The following INTS11 variants were observed in gnomAD, a reference collection of about 807,000 sequenced individuals.
The protein encoded by INTS11 is CPSF3-like protein.
INTS11 carries 77 observed loss-of-function variants against 78.6 expected under a neutral mutation model. That is an observed-to-expected ratio of 0.98 (90% CI 0.81 to 1.18). INTS11 has a LOEUF of 1.18. Among genes scored for constraint, INTS11 ranks in the 50% most tolerant of loss-of-function variants. The pLI, the probability that INTS11 is intolerant of heterozygous loss-of-function variation, is 0.00. For synonymous variants in INTS11, 441 were observed against 326.9 expected, an observed-to-expected ratio of 1.35 and a Z score of -3.77; for missense variants, 875 against 825.9, an observed-to-expected ratio of 1.06 and a Z score of -0.73.
chr1:1,312,213 G>GGGGGGGGCCCCCGCCCCCCCCCCC lies in INTS11; in HGVS notation c.1607+12_1607+13insGGGGGGGGGGGCGGGGGCCCCCCC. ...CCCAAGGGAGTGGGGGGGGGGCGGG[G>GGGGGGGGCCCCCGCCCCCCCCCCC]CCGGGCGCCCACCTCTTGAGGTGGC... On this transcript the variant is annotated intron_variant, in intron 15 of 16. Coordinates refer to ENST00000435064, the MANE Select transcript of INTS11 (RefSeq NM_017871.6). The GGGGGGGGCCCCCGCCCCCCCCCCC allele has an allele frequency of 1.1e-6, 1 of 934,630 alleles. No individual in the cohort carries two copies. Among genetic ancestry groups the GGGGGGGGCCCCCGCCCCCCCCCCC allele is most frequent in the Non-Finnish European group, 1.6e-6 (1 of 636,678 alleles). The allele number at this position is 934,630 out of a possible 1,614,324, so 57.9% of individuals were successfully genotyped here.
intron 1 of INTS11, 140 bp from the exon 2 acceptor site, chr1:1,321,233 G>A: frequency 3.2e-6 from 2 of 631,108 alleles, no homozygotes; most frequent in South Asian, 1.9e-5. Flanking sequence ...AAGAAGCAGG[G>A]CCACCCCTAC....
At position 1,311,639 on chromosome 1, in the gene INTS11, C is replaced by T. The variant is rs766964154; in HGVS notation, c.*220G>A. 3.4e-5 allele frequency: 24 copies of T among 709,928 alleles called. No homozygotes were observed. Among genetic ancestry groups the T allele is most frequent in the East Asian group, 8.1e-5 (3 of 36,956 alleles). 44.0% of individuals were successfully genotyped at this position (709,928 alleles called of 1,614,324 possible). A position where few individuals can be genotyped will look rare whatever the true frequency, so the allele number is the denominator to read the frequency against. On this transcript the variant is annotated 3_prime_UTR_variant, in exon 17 of 17. Coordinates refer to ENST00000435064, the MANE Select transcript of INTS11 (RefSeq NM_017871.6). ...TTTACTGGAAACTGCTGTCTAGGAC[C>T]ACCTGCCCTAACCAGGAATAAAGGC...
chr1:1,323,057 G>A lies in INTS11; in HGVS notation c.28+1524C>T. 2.7e-6 allele frequency: 4 copies of A among 1,457,422 alleles called. No homozygotes were observed. In the South Asian group the frequency reaches 5.6e-5, roughly 21 times the overall value. 90.3% of individuals were successfully genotyped at this position (1,457,422 alleles called of 1,614,324 possible). A position where few individuals can be genotyped will look rare whatever the true frequency, so the allele number is the denominator to read the frequency against. ...GAGGACCCCACGGAGGACCCAGAGA[G>A]CAGGGGAGGGCAGTGGGGCCCATGC... On this transcript the variant is annotated intron_variant, in intron 1 of 16. Transcript: ENST00000435064.
intron 4 of INTS11, chr1:1,318,949 C>T: frequency 1.4e-6 from 1 of 717,324 alleles, no homozygotes; most frequent in South Asian, 1.5e-5. Flanking sequence ...TGCCCGGCAA[C>T]ACCCCGGGAG....
chr1:1,312,213 G>GCCGGGCGCCCCCCCCCCCCCCC lies in INTS11; in HGVS notation c.1607+12_1607+13insGGGGGGGGGGGGGGGCGCCCGG. The GCCGGGCGCCCCCCCCCCCCCCC allele has an allele frequency of 4.3e-6, 4 of 934,532 alleles. No individual in the cohort carries two copies. Among genetic ancestry groups the GCCGGGCGCCCCCCCCCCCCCCC allele is most frequent in the East Asian group, 2.9e-5 (1 of 34,226 alleles). 57.9% of individuals were successfully genotyped at this position (934,532 alleles called of 1,614,324 possible). A position where few individuals can be genotyped will look rare whatever the true frequency, so the allele number is the denominator to read the frequency against. The stretch of plus-strand genomic sequence containing the variant: ...CCCAAGGGAGTGGGGGGGGGGCGGG[G>GCCGGGCGCCCCCCCCCCCCCCC]CCGGGCGCCCACCTCTTGAGGTGGC... On this transcript the variant is annotated intron_variant, in intron 15 of 16. Coordinates refer to ENST00000435064, the MANE Select transcript of INTS11 (RefSeq NM_017871.6).
At chr1:1,323,110 G>C in intron 1 of INTS11, 1 of 1,531,158 alleles carries the variant, frequency 6.5e-7, no homozygotes, top group Non-Finnish European at 8.8e-7. Flanking sequence ...CATGGGGTGT[G>C]CACAGGCCAG....
chr1:1,313,341 C>G (rs192157989), intron 10 of INTS11, 168 bp downstream of exon 10: 4 of 902,972 alleles, frequency 4.4e-6, no homozygotes, highest in Non-Finnish European at 3.5e-6. Context: ...AGCTGTGTCA[C>G]AGAGACTGAG....
At chr1:1,322,886 T>G in intron 1 of INTS11, 1 of 1,227,380 alleles carries the variant, frequency 8.1e-7, no homozygotes, top group Non-Finnish European at 1.0e-6. Flanking sequence ...TCGGCTTTGA[T>G]GATACCTTGG....
intron 6 of INTS11, 148 bp downstream of exon 6, chr1:1,315,256 G>A: frequency 1.0e-6 from 1 of 973,220 alleles, no homozygotes; most frequent in South Asian, 1.4e-5. Context: ...TCGCGCATTT[G>A]GGCCCAGAAC....
At chr1:1,323,053 G>A in intron 1 of INTS11, 2 of 1,445,610 alleles carry the variant, frequency 1.4e-6, no homozygotes, top group Admixed American at 2.3e-5. Flanking sequence ...GGAGGACCCA[G>A]AGAGCAGGGG....
Position 1,318,797 on chromosome 1 carries a change from G to T in INTS11, c.429+499C>A, listed in dbSNP as rs561575720. Reference sequence around the variant, plus strand: ...AAGCAATACCCAGAGATTCGAGTGAGACACAGACAAACCCATAATCTTTGT... The same window carrying T: ...AAGCAATACCCAGAGATTCGAGTGATACACAGACAAACCCATAATCTTTGT... On this transcript the variant is annotated intron_variant, in intron 4 of 16. Transcript: ENST00000435064. 8 of 587,054 alleles carry T rather than the reference G, an allele frequency of 1.4e-5. No individual in the cohort carries two copies. In the African/African-American group the frequency reaches 1.5e-4, roughly 11 times the overall value. 36.4% of individuals were successfully genotyped at this position (587,054 alleles called of 1,614,324 possible). A position where few individuals can be genotyped will look rare whatever the true frequency, so the allele number is the denominator to read the frequency against.
chr1:1,312,581 C>G lies in INTS11; in HGVS notation c.1402+12G>C. On this transcript the variant is annotated intron_variant, in intron 13 of 16. Coordinates refer to ENST00000435064, the MANE Select transcript of INTS11 (RefSeq NM_017871.6). ...CCCGAGCACCCTGCCCTGCCCTGCCCAGCCCGCATACCCTGCGCCATCTCC... is the reference window on the plus strand; with the variant it reads ...CCCGAGCACCCTGCCCTGCCCTGCCGAGCCCGCATACCCTGCGCCATCTCC... The G allele has an allele frequency of 4.4e-6, 7 of 1,577,982 alleles. No individual in the cohort carries two copies. The highest frequency in any genetic ancestry group is 6.0e-6 in the Non-Finnish European group (7 of 1,158,464).
rs182929670 is a variant in INTS11 at position 1,312,090 on chromosome 1, G to A, written c.1665C>T (p.Ser555=). The change falls in exon 16 of 17, where the codon TCC becomes TCT. Residue 555 remains serine, a synonymous_variant. Coordinates refer to ENST00000435064, the MANE Select transcript of INTS11 (RefSeq NM_017871.6). ...HLPDGSVTVE[S]VLLQAAAPSE... is the part of the protein sequence containing the mutation. Reference sequence around the variant, plus strand: ...AAGGGGCGGCGGCCTGGAGGAGGACGGACTCCACAGTCACAGAGCCGTCTG... The same window carrying A: ...AAGGGGCGGCGGCCTGGAGGAGGACAGACTCCACAGTCACAGAGCCGTCTG... 5.5e-5 allele frequency: 86 copies of A among 1,575,412 alleles called. No individual in the cohort carries two copies. The highest frequency in any genetic ancestry group is 1.5e-4 in the African/African-American group (11 of 74,666).
Position 1,312,041 on chromosome 1 carries a change from G to A in INTS11, c.1714C>T (p.Leu572=), listed in dbSNP as rs1377630297. 2 of 1,573,312 alleles carry A rather than the reference G, an allele frequency of 1.3e-6. No homozygotes were observed. The highest frequency in any genetic ancestry group is 1.3e-5 in the African/African-American group (1 of 74,504). The change falls in exon 16 of 17, where the codon CTG becomes TTG. Residue 572 remains leucine (L), a synonymous_variant. Transcript: ENST00000435064. ...ACCTGGTAGGTCCAGGAGACCAGCAGCACCTTGGTGCCTGGGTCCTCAGAA... is the reference window on the plus strand; with the variant it reads ...ACCTGGTAGGTCCAGGAGACCAGCAACACCTTGGTGCCTGGGTCCTCAGAA... ...APSEDPGTKV[L]LVSWTYQDEE...
Position 1,313,501 on chromosome 1 carries a change from G to GTA in INTS11, c.1041+7_1041+8insTA. On this transcript the variant is annotated splice_region_variant and intron_variant, in intron 10 of 16. Coordinates refer to ENST00000435064, the MANE Select transcript of INTS11 (RefSeq NM_017871.6). ...CTTCCAGATTCCCACACCTCACCAT[G>GTA]CCCTCACCATGTTCTTTTCGTTTCC... 1 of 1,612,800 alleles carries GTA rather than the reference G, an allele frequency of 6.2e-7. No individual in the cohort carries two copies. The highest frequency in any genetic ancestry group is 8.5e-7 in the Non-Finnish European group (1 of 1,179,812).
intron 1 of INTS11, 48 bp downstream of exon 1, chr1:1,324,533 G>C (rs1240589636): frequency 6.4e-7 from 1 of 1,566,510 alleles, no homozygotes; most frequent in Non-Finnish European, 8.7e-7. Flanking sequence ...CCCGCCCGGA[G>C]CCGCATACGG....
At position 1,312,098 on chromosome 1, in the gene INTS11, CA is replaced by C; in HGVS notation, c.1656del (p.Val553TrpfsTer39). The C allele has an allele frequency of 6.3e-7, 1 of 1,577,676 alleles. No individual in the cohort carries two copies. Among genetic ancestry groups the C allele is most frequent in the Non-Finnish European group, 8.6e-7 (1 of 1,160,808 alleles). On this transcript the variant is annotated frameshift_variant, in exon 16 of 17. Transcript: ENST00000435064. LOFTEE classifies it high-confidence loss of function. ...GCGGCCTGGAGGAGGACGGACTCCA[CA>C]GTCACAGAGCCGTCTGGGAGGTGCT... is the stretch of plus-strand genomic sequence containing the variant. ...CVQHLPDGSV[T>X]VESVLLQAAA...
intron 1 of INTS11, chr1:1,322,774 G>T: frequency 1.8e-6 from 1 of 557,452 alleles, no homozygotes; most frequent in Non-Finnish European, 2.3e-6. Flanking sequence ...CCACACACAG[G>T]CCAAGGCGTG....
chr1:1,317,576 G>A (rs1308426552), intron 4 of INTS11: 10 of 293,200 alleles, frequency 3.4e-5, no homozygotes, highest in Non-Finnish European at 5.1e-5. Flanking sequence ...CCCTGGAGGA[G>A]CAGGAACGGG....
Sources: allele counts gnomAD v4.1 joint callset, GRCh38; gene constraint gnomAD v4.1.1; transcripts MANE v1.5; gene names NCBI Gene and HGNC (gene_info 2026-07-23, HGNC 2026-07-21).